The following UBE2K variants were observed in gnomAD, a reference collection of about 807,000 sequenced individuals.
UBE2K encodes ubiquitin conjugating enzyme E2 K, also known as ubiquitin-conjugating enzyme E2 K.
A neutral mutation model predicts 30.0 loss-of-function variants in UBE2K; 6 were observed. The ratio of observed to expected loss-of-function variants is 0.20; its 90% CI spans 0.11 to 0.39. The LOEUF (loss-of-function observed/expected upper bound fraction) is 0.39. Ranked by LOEUF, UBE2K falls within the 10% of genes least tolerant of loss-of-function variation. The probability of loss-of-function intolerance (pLI) is 1.00; values close to 1 mark genes in which losing one functional copy is unlikely to be tolerated. For missense variants in UBE2K, 61 were observed against 241.6 expected (o/e 0.25, Z 4.96); for synonymous variants, 86 against 83.7 (o/e 1.03, Z -0.15).
intron 4 of UBE2K, among the ~76,000 whole-genome samples, chr4:39,765,808 C>T (rs1299424156): frequency 6.6e-6 from 1 of 151,706 alleles, no homozygotes; most frequent in Non-Finnish European, 1.5e-5. Flanking sequence ...GACTCCATCT[C>T]AAATAAATAA....
intron 1 of UBE2K, among the ~76,000 whole-genome samples, chr4:39,723,410 C>T (rs1395524969): frequency 6.7e-6 from 1 of 148,742 alleles, no homozygotes; most frequent in African/African-American, 2.5e-5. Context: ...GCCCTGTTGC[C>T]CGGGCTGGAG....
At chr4:39,777,141 G>T (rs1713328139) in intron 5 of UBE2K, among the ~76,000 whole-genome samples, 1 of 152,130 alleles carries the variant, frequency 6.6e-6, no homozygotes, top group African/African-American at 2.4e-5. Context: ...TTACTCTATT[G>T]TGAGTTTATA....
At chr4:39,745,671 C>T (rs977321989) in intron 2 of UBE2K, 81 bp from the exon 3 acceptor site, 18 of 890,386 alleles carry the variant, frequency 2.0e-5, no homozygotes, top group African/African-American at 3.5e-5. Context: ...AAAATAGCTG[C>T]TCTGAAAAGC....
intron 4 of UBE2K, among the ~76,000 whole-genome samples, chr4:39,769,719 TCCC>T (rs1712626661): frequency 7.5e-6 from 1 of 133,458 alleles, no homozygotes; most frequent in South Asian, 2.7e-4. Context: ...GTCAGAACCT[TCCC>T]CTGGGCAGGC....
chr4:39,714,550 A>ATATATATATATATATATTTTTTTTTT, intron 1 of UBE2K: 1 of 17,854 alleles, frequency 5.6e-5, no homozygotes, highest in Non-Finnish European at 8.7e-5. Context: ...ATATATATAT[A>ATATATATATATATATATTTTTTTTTT]TTTTTTTTTT....
chr4:39,719,882 A>C (rs578132030), intron 1 of UBE2K, among the ~76,000 whole-genome samples: 69 of 152,312 alleles, frequency 4.5e-4, no homozygotes, highest in Non-Finnish European at 8.2e-4. Flanking sequence ...CATGTGTGAG[A>C]ATTTTGAGTG....
intron 1 of UBE2K, among the ~76,000 whole-genome samples, chr4:39,717,753 G>A (rs10856850): frequency 0.49 from 74,978 of 151,846 alleles, 19,252 homozygotes; most frequent in East Asian, 0.64. Context: ...TCTTAAAGGC[G>A]GCGTGTCCGG....
chr4:39,782,204 G>A lies in UBE2K; in HGVS notation c.*3770G>A. ...CATGCTGCTATATATAATCAGGTGT[G>A]GCACAGTTTGTCAGTTTGATTATAG... On this transcript the variant is annotated 3_prime_UTR_variant, in exon 7 of 7. Transcript: ENST00000261427. The A allele has an allele frequency of 2.7e-6, 1 of 372,266 alleles. No individual in the cohort carries two copies. The highest frequency in any genetic ancestry group is 3.8e-5 in the East Asian group (1 of 26,274). The allele number at this position is 372,266 out of a possible 1,614,324, so 23.1% of individuals were successfully genotyped here. A position where few individuals can be genotyped will look rare whatever the true frequency, so the allele number is the denominator to read the frequency against.
chr4:39,760,339 TAA>T (rs1033946327), intron 4 of UBE2K, among the ~76,000 whole-genome samples: 4 of 152,136 alleles, frequency 2.6e-5, no homozygotes, highest in African/African-American at 7.2e-5. Flanking sequence ...GCCTACTTTT[TAA>T]AAGACATGTA....
At chr4:39,737,153 C>T (rs575120475) in intron 1 of UBE2K, among the ~76,000 whole-genome samples, 3 of 152,158 alleles carry the variant, frequency 2.0e-5, no homozygotes, top group African/African-American at 7.2e-5. Context: ...ACTATTTTTC[C>T]CTAATAACAT....
intron 5 of UBE2K, among the ~76,000 whole-genome samples, chr4:39,777,037 G>A (rs1163014573): frequency 1.3e-5 from 2 of 152,144 alleles, no homozygotes; most frequent in African/African-American, 2.4e-5. Flanking sequence ...TGAATAGTTA[G>A]TAATTTATAC....
intron 1 of UBE2K, among the ~76,000 whole-genome samples, chr4:39,718,763 C>T (rs1030066069): frequency 1.3e-5 from 2 of 152,254 alleles, no homozygotes; most frequent in African/African-American, 4.8e-5. Flanking sequence ...CCCCTCACTG[C>T]CCAGGGCCAG....
Position 39,761,705 on chromosome 4 carries a change from A to C in UBE2K, c.299+5966A>C, listed in dbSNP as rs150932255. On this transcript the variant is annotated intron_variant, in intron 4 of 6. Coordinates refer to ENST00000261427, the MANE Select transcript of UBE2K (RefSeq NM_005339.5). The stretch of plus-strand genomic sequence containing the variant: ...TACTGATCCTAAAGATATCAGTACA[A>C]TATAGATTTGATCACTACTTTGTAA... 8.3e-4 allele frequency among the ~76,000 whole-genome samples: 127 copies of C among 152,340 alleles called. 1 individual carries two copies. Among genetic ancestry groups the C allele is most frequent in the African/African-American group, 2.9e-3 (119 of 41,586 alleles).
intron 4 of UBE2K, chr4:39,770,059 C>G: frequency 6.6e-7 from 1 of 1,518,888 alleles, no homozygotes; most frequent in Non-Finnish European, 8.8e-7. Flanking sequence ...ACCCCAGCCT[C>G]CGGGCCTCCA....
chr4:39,728,919 G>A (rs866198674), intron 1 of UBE2K, among the ~76,000 whole-genome samples: 2 of 148,524 alleles, frequency 1.3e-5, no homozygotes, highest in South Asian at 2.1e-4. Context: ...CACCCGCCTC[G>A]GCCTCCCAAA....
rs781278062 is a variant in UBE2K, at chr4:39,778,438, A to T, written c.*4A>T. 1 of 1,604,580 alleles carries T rather than the reference A, an allele frequency of 6.2e-7. No individual in the cohort carries two copies. The highest frequency in any genetic ancestry group is 8.5e-7 in the Non-Finnish European group (1 of 1,172,248). ...AGAATTGCTTCTGAGTAACTGAGGCATAGAGAGCTGCTGATATAGTCAAGC... is the reference window on the plus strand; with the variant it reads ...AGAATTGCTTCTGAGTAACTGAGGCTTAGAGAGCTGCTGATATAGTCAAGC... On this transcript the variant is annotated 3_prime_UTR_variant, in exon 7 of 7. Coordinates refer to ENST00000261427, the MANE Select transcript of UBE2K (RefSeq NM_005339.5).
At chr4:39,704,712 T>G (rs1718233821) in intron 1 of UBE2K, among the ~76,000 whole-genome samples, 1 of 151,938 alleles carries the variant, frequency 6.6e-6, no homozygotes, top group Non-Finnish European at 1.5e-5. Context: ...AGCTAATTTA[T>G]GTAATTTTTT....
chr4:39,770,686 G>A (rs1712737968), intron 4 of UBE2K: 9 of 1,575,774 alleles, frequency 5.7e-6, no homozygotes, highest in Non-Finnish European at 7.7e-6. Context: ...ACAGTGCTGG[G>A]GGGCACGCTG....
intron 1 of UBE2K, among the ~76,000 whole-genome samples, chr4:39,720,766 C>G (rs1372103296): frequency 6.6e-6 from 1 of 152,090 alleles, no homozygotes; most frequent in South Asian, 2.1e-4. Flanking sequence ...TTATTAGAGA[C>G]TAGGTCTCAG....
Sources: gnomAD v4.1 joint callset for allele counts (sites outside exome capture counted in the v4.1 genomes callset) on GRCh38, gnomAD v4.1.1 for gene constraint, MANE v1.5 for transcripts, NCBI Gene and HGNC (gene_info 2026-07-23, HGNC 2026-07-21) for gene names.